Variants in FGD3 observed in about 807,000 individuals in gnomAD.
FGD3 encodes FYVE, RhoGEF and PH domain-containing protein 3.
Under a neutral mutation model 71.8 loss-of-function variants are expected in FGD3, and 45 were observed. The observed-to-expected ratio is 0.63, with a 90% CI of 0.49 to 0.80. FGD3 has a LOEUF of 0.80. FGD3 is among the 30% of genes least tolerant of loss of function. FGD3 has a pLI of 0.00. For missense variants in FGD3, 844 were observed against 951.5 expected (o/e 0.89, Z 1.49); for synonymous variants, 378 against 392.8 (o/e 0.96, Z 0.44).
intron 3 of FGD3, among the ~76,000 whole-genome samples, chr9:92,978,654 C>T (rs886380922): frequency 6.8e-6 from 1 of 146,576 alleles, no homozygotes; most frequent in Non-Finnish European, 1.5e-5. Context: ...TTGCATGTTA[C>T]ACGCACCCTC....
At chr9:93,010,972 C>T (rs543662097) in intron 7 of FGD3, among the ~76,000 whole-genome samples, 7 of 152,028 alleles carry the variant, frequency 4.6e-5, no homozygotes, top group African/African-American at 1.7e-4. Flanking sequence ...CCCGGACAGG[C>T]GTCTGTGCAG....
intron 10 of FGD3, 95 bp downstream of exon 10, chr9:93,015,924 T>C: frequency 9.1e-7 from 1 of 1,104,462 alleles, no homozygotes; most frequent in Admixed American, 1.8e-5. Flanking sequence ...CACTCACCTC[T>C]GTGCAGCCTG....
chr9:92,972,303 T>C (rs1374757965), intron 1 of FGD3, among the ~76,000 whole-genome samples: 1 of 150,856 alleles, frequency 6.6e-6, no homozygotes, highest in East Asian at 1.9e-4. Flanking sequence ...AATACAAAAA[T>C]TAGCCAGGCG....
chr9:93,028,450 C>G (rs569997411), intron 14 of FGD3, among the ~76,000 whole-genome samples: 2 of 151,974 alleles, frequency 1.3e-5, no homozygotes, highest in Non-Finnish European at 2.9e-5. Context: ...CTGGGGAACT[C>G]GATACATATC....
rs371314662 is a variant in FGD3 at position 93,002,915 on chromosome 9, C to G, written c.454-10C>G. The G allele has an allele frequency of 5.6e-6, 9 of 1,613,390 alleles. No homozygotes were observed. Among genetic ancestry groups the G allele is most frequent in the Non-Finnish European group, 7.6e-6 (9 of 1,179,736 alleles). ...CTTCCCCAGGTGAGCTGCATCTCTT[C>G]TCTCCGCAGCACTCTGGCCCCCAGA... On this transcript the variant is annotated splice_polypyrimidine_tract_variant and intron_variant, in intron 3 of 17. Transcript: ENST00000375482.
intron 5 of FGD3, 67 bp from the exon 6 acceptor site, chr9:93,005,957 A>G: frequency 1.3e-6 from 2 of 1,513,090 alleles, no homozygotes; most frequent in South Asian, 1.3e-5. Flanking sequence ...GGTGGAGTTC[A>G]TGTCCACTAA....
At chr9:92,978,891 C>T (rs1001999677) in intron 3 of FGD3, among the ~76,000 whole-genome samples, 6 of 149,274 alleles carry the variant, frequency 4.0e-5, no homozygotes, top group Middle Eastern at 3.4e-3. Flanking sequence ...GCCTTGGCTT[C>T]CCAAGTTGTC....
chr9:93,035,044 G>A (rs1045865548), intron 17 of FGD3, among the ~76,000 whole-genome samples: 6 of 152,144 alleles, frequency 3.9e-5, no homozygotes, highest in South Asian at 2.1e-4. Context: ...GTCCTGCCTC[G>A]CCTCCCCAGG....
In FGD3 at chr9:92,952,233, A is replaced by ATTTT. The variant is rs35969028; in HGVS notation, c.-218+4521_-218+4524dup. ...ATACACATATCATTGTTGAAAGTCA[A>ATTTT]TTTTTTTTTTTTTTTTTTTTGGAGA... is the stretch of plus-strand genomic sequence containing the variant. On this transcript the variant is annotated intron_variant, in intron 1 of 17. Coordinates refer to ENST00000375482, the MANE Select transcript of FGD3 (RefSeq NM_001083536.2). Among the ~76,000 whole-genome samples the ATTTT allele has an allele frequency of 2.2e-3, 276 of 127,784 alleles. 1 individual carries two copies. The highest frequency in any genetic ancestry group is 7.7e-3 in the African/African-American group (259 of 33,828). 83.8% of individuals were successfully genotyped at this position (127,784 alleles called of 152,430 possible). A position where few individuals can be genotyped will look rare whatever the true frequency, so the allele number is the denominator to read the frequency against.
intron 15 of FGD3, among the ~76,000 whole-genome samples, chr9:93,031,667 G>C (rs888431439): frequency 6.6e-5 from 10 of 152,188 alleles, no homozygotes; most frequent in Non-Finnish European, 1.0e-4. Flanking sequence ...TGCGATATGA[G>C]CTCAGTGTTT....
rs548109783 is a variant in FGD3 at position 93,035,840 on chromosome 9, G to A, written c.*251G>A. 1.8e-5 allele frequency: 9 copies of A among 496,010 alleles called. No individual in the cohort carries two copies. The highest frequency in any genetic ancestry group is 1.4e-4 in the East Asian group (4 of 29,504). The allele number at this position is 496,010 out of a possible 1,614,324, so 30.7% of individuals were successfully genotyped here. Reference sequence around the variant, plus strand: ...AGCAGTGTGGCCCAGAGCAGGGGCCGACTGCCAAAGTAACCATCATCCATA... The same window carrying A: ...AGCAGTGTGGCCCAGAGCAGGGGCCAACTGCCAAAGTAACCATCATCCATA... On this transcript the variant is annotated 3_prime_UTR_variant, in exon 18 of 18. Transcript: ENST00000375482.
chr9:93,006,280 C>A, intron 6 of FGD3, 100 bp downstream of exon 6: 1 of 1,212,558 alleles, frequency 8.2e-7, no homozygotes, highest in Non-Finnish European at 1.1e-6. Context: ...ATATTTTACT[C>A]CAAAAAGTAA....
In FGD3 at chr9:93,028,995, G is replaced by GTTTTTTTTT. The variant is rs869235976; in HGVS notation, c.1558-845_1558-837dup. Among the ~76,000 whole-genome samples the GTTTTTTTTT allele has an allele frequency of 5.6e-4, 29 of 51,756 alleles. 7 individuals carry two copies. Among genetic ancestry groups the GTTTTTTTTT allele is most frequent in the Non-Finnish European group, 8.8e-4 (24 of 27,380 alleles). 34.0% of individuals were successfully genotyped at this position (51,756 alleles called of 152,430 possible). A position where few individuals can be genotyped will look rare whatever the true frequency, so the allele number is the denominator to read the frequency against. ...CATGGCTTCCTCACATGTCCTCACA[G>GTTTTTTTTT]TTTTTTTTTTTTTTTTTTTTTTTTT... is the stretch of plus-strand genomic sequence containing the variant. On this transcript the variant is annotated intron_variant, in intron 14 of 17. Coordinates refer to ENST00000375482, the MANE Select transcript of FGD3 (RefSeq NM_001083536.2).
At chr9:92,973,144 T>C (rs937142523) in intron 1 of FGD3, among the ~76,000 whole-genome samples, 1 of 145,604 alleles carries the variant, frequency 6.9e-6, no homozygotes, top group African/African-American at 2.6e-5. Context: ...AGACAGAGTT[T>C]TGCTCTGTCG....
chr9:92,974,314 T>TATG (rs1270766574), intron 1 of FGD3, among the ~76,000 whole-genome samples: 1 of 152,254 alleles, frequency 6.6e-6, no homozygotes, highest in Non-Finnish European at 1.5e-5. Context: ...TCTCTTGTGC[T>TATG]ATGAGAAGAA....
intron 6 of FGD3, among the ~76,000 whole-genome samples, chr9:93,006,883 C>T (rs539900912): frequency 4.6e-5 from 7 of 151,556 alleles, no homozygotes; most frequent in East Asian, 2.0e-4. Context: ...CCCACCACCA[C>T]GCCCAGCTAA....
intron 6 of FGD3, among the ~76,000 whole-genome samples, chr9:93,008,586 C>T (rs1270258692): frequency 6.6e-6 from 1 of 152,194 alleles, no homozygotes; most frequent in African/African-American, 2.4e-5. Context: ...GTGACGCAGT[C>T]TCTGCATCCC....
chr9:92,991,700 G>A (rs1860418280), intron 3 of FGD3, among the ~76,000 whole-genome samples: 1 of 152,126 alleles, frequency 6.6e-6, no homozygotes, highest in South Asian at 2.1e-4. Context: ...AATCTGATGT[G>A]TCTTTGATTT....
At chr9:92,960,942 C>A (rs1859157131) in intron 1 of FGD3, among the ~76,000 whole-genome samples, 1 of 151,982 alleles carries the variant, frequency 6.6e-6, no homozygotes, top group Non-Finnish European at 1.5e-5. Context: ...GGGTGCTCCC[C>A]CTGGGGCTCT....
Sources: gnomAD v4.1 joint callset for allele counts (sites outside exome capture counted in the v4.1 genomes callset) on GRCh38, gnomAD v4.1.1 for gene constraint, MANE v1.5 for transcripts, NCBI Gene and HGNC (gene_info 2026-07-23, HGNC 2026-07-21) for gene names.